The following SLC25A42 variants were observed in gnomAD, a reference collection of about 807,000 sequenced individuals.
SLC25A42 encodes the protein solute carrier family 25 member 42, also known as mitochondrial coenzyme A transporter SLC25A42.
SLC25A42 carries 19 observed loss-of-function variants against 34.7 expected under a neutral mutation model. That is an observed-to-expected ratio of 0.55 (90% CI 0.38 to 0.80). The LOEUF is 0.80. Among genes scored for constraint, SLC25A42 ranks in the 30% least tolerant of loss-of-function variants. SLC25A42 has a pLI of 0.00. For synonymous variants in SLC25A42, 205 were observed against 191.2 expected, an observed-to-expected ratio of 1.07 and a Z score of -0.59; for missense variants, 364 against 441.3, an observed-to-expected ratio of 0.82 and a Z score of 1.57.
chr19:19,091,227 A>G (rs549721085), intron 1 of SLC25A42, among the ~76,000 whole-genome samples: 1 of 152,076 alleles, frequency 6.6e-6, no homozygotes, highest in South Asian at 2.1e-4. Context: ...GAGGCCAACG[A>G]GGGCAGATCA....
rs540014852 is a variant in SLC25A42 at position 19,074,718 on chromosome 19, CGTGTATGTGT to C, written c.-35+10608_-35+10617del. Among the ~76,000 whole-genome samples, 6 of 150,756 alleles carry C rather than the reference CGTGTATGTGT, an allele frequency of 4.0e-5. No homozygotes were observed. The East Asian group carries it at 9.7e-4, about 24-fold the overall frequency. On this transcript the variant is annotated intron_variant, in intron 1 of 7. Coordinates refer to ENST00000318596, the MANE Select transcript of SLC25A42 (RefSeq NM_178526.5). ...GTGTGAGAGAGTGTGTGTGTGCGTG[CGTGTATGTGT>C]GTGTGTGTGAGTGTATGTGTGAGCG... is the stretch of plus-strand genomic sequence containing the variant.
At chr19:19,079,508 C>T (rs1393734501) in intron 1 of SLC25A42, among the ~76,000 whole-genome samples, 4 of 152,176 alleles carry the variant, frequency 2.6e-5, no homozygotes, top group African/African-American at 7.2e-5. Context: ...AATGGAACCT[C>T]ACACTATGTG....
intron 1 of SLC25A42, among the ~76,000 whole-genome samples, chr19:19,083,562 C>T (rs1405849619): frequency 6.6e-6 from 1 of 152,202 alleles, no homozygotes; most frequent in Non-Finnish European, 1.5e-5. Flanking sequence ...TGCCCAGCAG[C>T]GTCATTCAGC....
intron 1 of SLC25A42, among the ~76,000 whole-genome samples, chr19:19,088,408 G>T (rs748018883): frequency 6.6e-6 from 1 of 151,678 alleles, no homozygotes; most frequent in Non-Finnish European, 1.5e-5. Flanking sequence ...GGGTTTCAAC[G>T]TGTTAGCCAG....
chr19:19,106,791 G>A (rs2059831902), intron 6 of SLC25A42: 1 of 151,832 alleles, frequency 6.6e-6, no homozygotes, highest in African/African-American at 2.4e-5. Context: ...AAATTAGCCG[G>A]GCGTGGTGAC....
intron 3 of SLC25A42, among the ~76,000 whole-genome samples, chr19:19,103,597 A>G (rs1014582606): frequency 1.3e-5 from 2 of 152,212 alleles, no homozygotes; most frequent in Non-Finnish European, 2.9e-5. Flanking sequence ...CTCCCTCGCT[A>G]GGGTTAGTCA....
chr19:19,097,029 A>G (rs2059769301), intron 2 of SLC25A42, among the ~76,000 whole-genome samples: 1 of 152,198 alleles, frequency 6.6e-6, no homozygotes, highest in Non-Finnish European at 1.5e-5. Flanking sequence ...TCTTAAGTCC[A>G]CAATTCCACT....
At chr19:19,080,181 G>A (rs572860818) in intron 1 of SLC25A42, among the ~76,000 whole-genome samples, 7 of 152,322 alleles carry the variant, frequency 4.6e-5, no homozygotes, top group African/African-American at 1.7e-4. Flanking sequence ...CCGAGGTCCT[G>A]GGAGCTGGTA....
intron 1 of SLC25A42, among the ~76,000 whole-genome samples, chr19:19,069,219 G>A (rs1418679764): frequency 6.6e-6 from 1 of 152,102 alleles, no homozygotes; most frequent in African/African-American, 2.4e-5. Context: ...ACCATCTTGG[G>A]CAGAATGCTT....
chr19:19,102,014 G>GTTTT, intron 3 of SLC25A42, 128 bp downstream of exon 3: 3 of 523,418 alleles, frequency 5.7e-6, no homozygotes, highest in East Asian at 3.8e-5. Context: ...GTTTTTTGTT[G>GTTTT]TTTTTTTTTT....
intron 1 of SLC25A42, among the ~76,000 whole-genome samples, chr19:19,087,711 C>T (rs886910616): frequency 6.6e-6 from 1 of 152,206 alleles, no homozygotes; most frequent in African/African-American, 2.4e-5. Context: ...GTCTCTTCTC[C>T]CCCATTTATT....
intron 1 of SLC25A42, among the ~76,000 whole-genome samples, chr19:19,085,654 G>C (rs1042267439): frequency 1.3e-5 from 2 of 152,226 alleles, no homozygotes; most frequent in Non-Finnish European, 2.9e-5. Flanking sequence ...TTACAGGTGT[G>C]AGCCACCACA....
intron 1 of SLC25A42, among the ~76,000 whole-genome samples, chr19:19,093,596 C>T (rs879304215): frequency 1.7e-4 from 26 of 152,206 alleles, no homozygotes; most frequent in Non-Finnish European, 2.6e-4. Context: ...TTCTCAGGCT[C>T]TTTGTTTTTG....
At chr19:19,105,250 A>G (rs1450154668) in intron 4 of SLC25A42, 11 of 574,560 alleles carry the variant, frequency 1.9e-5, no homozygotes, top group Non-Finnish European at 1.8e-5. Context: ...TGGGATGCCA[A>G]ACACCAACAG....
At position 19,096,116 on chromosome 19, in the gene SLC25A42, A is replaced by G; in HGVS notation, c.-9A>G. 6.2e-7 allele frequency: 1 copy of G among 1,613,146 alleles called. No homozygotes were observed. The highest frequency in any genetic ancestry group is 8.5e-7 in the Non-Finnish European group (1 of 1,179,332). On this transcript the variant is annotated 5_prime_UTR_variant, in exon 2 of 8. Transcript: ENST00000318596. ...GACCGAGTCTCCTGCCATTCCGAGC[A>G]GGCCTGGTATGGGTAATGGTGTGAA...
intron 1 of SLC25A42, among the ~76,000 whole-genome samples, chr19:19,095,654 G>A (rs547511414): frequency 6.6e-6 from 1 of 152,306 alleles, no homozygotes; most frequent in African/African-American, 2.4e-5. Flanking sequence ...TTGGTGGACA[G>A]AGACCCTCGG....
At chr19:19,102,273 T>G (rs1280162139) in intron 3 of SLC25A42, among the ~76,000 whole-genome samples, 1 of 151,868 alleles carries the variant, frequency 6.6e-6, no homozygotes, top group East Asian at 2.0e-4. Context: ...CCTCCCAAAG[T>G]GCTGGGATTA....
At chr19:19,092,828 T>TG (rs2059744829) in intron 1 of SLC25A42, among the ~76,000 whole-genome samples, 1 of 152,118 alleles carries the variant, frequency 6.6e-6, no homozygotes, top group Non-Finnish European at 1.5e-5. Context: ...AGCGCCCAAG[T>TG]GCAAGGACAG....
chr19:19,101,786 C>T lies in SLC25A42; in HGVS notation c.87C>T (p.Asp29=). The part of the protein sequence containing the change: ...VLSSSVSSKR[D]HRQVLSSLLS... ...GATCACATGTTCTGTTGCAGCGTGA[C>T]CACAGGCAAGTGCTCAGCTCCCTGC... is the stretch of plus-strand genomic sequence containing the variant. The change falls in exon 3 of 8, where the codon GAC becomes GAT. Residue 29 remains aspartate (D), a synonymous_variant. Coordinates refer to ENST00000318596, the MANE Select transcript of SLC25A42 (RefSeq NM_178526.5). 6.2e-7 allele frequency: 1 copy of T among 1,611,552 alleles called. No individual in the cohort carries two copies. The highest frequency in any genetic ancestry group is 8.5e-7 in the Non-Finnish European group (1 of 1,178,964).
Sources: allele counts gnomAD v4.1 joint callset (sites outside exome capture counted in the v4.1 genomes callset), GRCh38; gene constraint gnomAD v4.1.1; transcripts MANE v1.5; gene names NCBI Gene and HGNC (gene_info 2026-07-23, HGNC 2026-07-21).